THAP5: variants seen among roughly 807,000 people sequenced by gnomAD.
THAP5 encodes the protein THAP domain containing 5.
In THAP5, 26 loss-of-function variants were observed where a neutral mutation model predicts 34.0. That is an observed-to-expected ratio of 0.77 (90% CI 0.56 to 1.06). The LOEUF (loss-of-function observed/expected upper bound fraction) is 1.06. THAP5 is among the 50% of genes least tolerant of loss of function. THAP5 has a pLI of 0.00. For missense variants in THAP5, 394 were observed against 452.8 expected, an observed-to-expected ratio of 0.87 and a Z score of 1.18; for synonymous variants, 125 against 153.0, an observed-to-expected ratio of 0.82 and a Z score of 1.35.
chr7:108,554,798 T>A (rs1864375017), exon 2 of THAP5: 1 of 152,228 alleles, frequency 6.6e-6, no homozygotes. Context: ...TCTTCACTAC[T>A]GTAGTCTGTT....
chr7:108,546,971 TCA>T, the THAP5 span, among the ~76,000 whole-genome samples: 1 of 152,220 alleles, frequency 6.6e-6, no homozygotes, highest in Non-Finnish European at 1.5e-5. Flanking sequence ...TTGTGTTTTA[TCA>T]TTTCCCAAAT....
downstream of THAP5, among the ~76,000 whole-genome samples, chr7:108,549,832 T>C (rs1454970320): frequency 2.0e-5 from 3 of 152,192 alleles, no homozygotes; most frequent in Non-Finnish European, 4.4e-5. Context: ...TGAAGAACTT[T>C]ATGTTTCATT....
In THAP5 at chr7:108,564,113, A is replaced by C; in HGVS notation, c.*78T>G. The C allele has an allele frequency of 1.7e-6, 2 of 1,184,398 alleles. No homozygotes were observed. Among genetic ancestry groups the C allele is most frequent in the Non-Finnish European group, 2.4e-6 (2 of 845,158 alleles). 73.4% of individuals were successfully genotyped at this position (1,184,398 alleles called of 1,614,324 possible). A position where few individuals can be genotyped will look rare whatever the true frequency, so the allele number is the denominator to read the frequency against. On this transcript the variant is annotated 3_prime_UTR_variant, in exon 3 of 3. Transcript: ENST00000415914. ...CATTAAGATGAGAACTTTATACAGG[A>C]AACAGTTCACTTTACATGTAGTTTG...
chr7:108,569,439 G>A (rs1790562402), intron 1 of THAP5, 51 bp downstream of exon 1: 1 of 1,550,614 alleles, frequency 6.4e-7, no homozygotes, highest in Admixed American at 2.0e-5. Context: ...AAAGGCCACA[G>A]GTCCAAGGCC....
At chr7:108,558,961 C>A (rs571171058), downstream of THAP5, among the ~76,000 whole-genome samples, 6 of 152,300 alleles carry the variant, frequency 3.9e-5, no homozygotes, top group Admixed American at 3.9e-4. Flanking sequence ...ATTTAAAATA[C>A]ATTTAAGATC....
At chr7:108,566,060 T>A in intron 1 of THAP5, 38 bp from the exon 2 acceptor site, 1 of 1,476,288 alleles carries the variant, frequency 6.8e-7, no homozygotes, top group Non-Finnish European at 9.0e-7. Context: ...AAGGAAAAAC[T>A]TTGCTATATT....
Position 108,564,609 on chromosome 7 carries a change from A to T in THAP5, c.770T>A (p.Ile257Asn). The T allele has an allele frequency of 6.2e-7, 1 of 1,613,888 alleles. No homozygotes were observed. The highest frequency in any genetic ancestry group is 8.5e-7 in the Non-Finnish European group (1 of 1,179,852). ...GTTTAATTCTTCAACTGTTTGATTA[A>T]TTGTGCTGAATAAGAATGGATTTTC... ...AQENPFLFSTINQTVEELNTN... is the reference protein window; with the variant it reads ...AQENPFLFSTNNQTVEELNTN... The change falls in exon 3 of 3, where the codon ATT becomes AAT. Residue 257 changes from isoleucine (I) to asparagine (N), a missense_variant. Transcript: ENST00000415914.
rs2233131 is a variant in THAP5, at chr7:108,569,575, G to T, written c.-6C>A. 6.4e-7 allele frequency: 1 copy of T among 1,551,260 alleles called. No homozygotes were observed. Among genetic ancestry groups the T allele is most frequent in the Non-Finnish European group, 8.7e-7 (1 of 1,147,018 alleles). On this transcript the variant is annotated 5_prime_UTR_variant, in exon 1 of 3. Coordinates refer to ENST00000415914, the MANE Select transcript of THAP5 (RefSeq NM_001130475.3). ...GCTGCGCAATAGCGGGGCATGACTC[G>T]GGTGAGGCCCCTGGAGACCGGGGCC... is the stretch of plus-strand genomic sequence containing the variant.
chr7:108,551,241 C>T (rs1864351902), downstream of THAP5, among the ~76,000 whole-genome samples: 1 of 152,136 alleles, frequency 6.6e-6, no homozygotes. Flanking sequence ...TCCCAAAATG[C>T]ATGTGTTGGA....
At position 108,566,754 on chromosome 7, in the gene THAP5, C is replaced by T. The variant is rs1790495707; in HGVS notation, c.81-732G>A. ...AACAAATCAAATACAAATGGCAAGA[C>T]AGCGCTGTATACATTTTGTTCCTGT... On this transcript the variant is annotated intron_variant, in intron 1 of 2. Transcript: ENST00000415914. Among the ~76,000 whole-genome samples, 3 of 152,142 alleles carry T rather than the reference C, an allele frequency of 2.0e-5. No individual in the cohort carries two copies. The South Asian group carries it at 6.2e-4, about 31-fold the overall frequency.
At chr7:108,553,942 A>G (rs145465459), downstream of THAP5, among the ~76,000 whole-genome samples, 1 of 152,272 alleles carries the variant, frequency 6.6e-6, no homozygotes, top group African/African-American at 2.4e-5. Context: ...GACATATACT[A>G]TATTTTGAAT....
At chr7:108,549,215 G>A in the THAP5 span, among the ~76,000 whole-genome samples, 2 of 151,066 alleles carry the variant, frequency 1.3e-5, no homozygotes, top group Non-Finnish European at 2.9e-5. Context: ...TCCACCTCCC[G>A]GGTTCAAGTG....
chr7:108,552,268 T>C (rs1028707729), downstream of THAP5, among the ~76,000 whole-genome samples: 1 of 152,152 alleles, frequency 6.6e-6, no homozygotes, highest in African/African-American at 2.4e-5. Context: ...ATCCTCTTTT[T>C]TTTTACATGC....
At chr7:108,550,710 C>A (rs1864347994), downstream of THAP5, among the ~76,000 whole-genome samples, 1 of 152,168 alleles carries the variant, frequency 6.6e-6, no homozygotes, top group East Asian at 1.9e-4. Flanking sequence ...TTCTAGGATG[C>A]CCTTGCATCC....
chr7:108,564,318 T>A lies in THAP5; in HGVS notation c.1061A>T (p.Gln354Leu). 6.2e-7 allele frequency: 1 copy of A among 1,613,934 alleles called. No individual in the cohort carries two copies. The highest frequency in any genetic ancestry group is 8.5e-7 in the Non-Finnish European group (1 of 1,179,898). Residue 354 changes from glutamine (Q) to leucine (L), a missense_variant, in exon 3 of 3, where the codon CAA becomes CTA. Transcript: ENST00000415914. ...KITLLELKEQQTLGRLKSLEA... is the reference protein window; with the variant it reads ...KITLLELKEQLTLGRLKSLEA... ...CAAAGACTTCAATCTACCTAGAGTT[T>A]GTTGCTCTTTTAACTCTAGAAGAGT...
intron 1 of THAP5, 85 bp downstream of exon 1, chr7:108,569,405 A>T (rs1373578662): frequency 6.5e-7 from 1 of 1,544,664 alleles, no homozygotes; most frequent in Non-Finnish European, 8.7e-7. Context: ...TCACTGGCAG[A>T]GCGGACAGGA....
intron 1 of THAP5, chr7:108,568,420 G>C (rs1790534102): frequency 6.5e-6 from 1 of 154,256 alleles, no homozygotes; most frequent in Non-Finnish European, 1.5e-5. Flanking sequence ...GGTCAGGCTG[G>C]TCTCAGACTG....
At chr7:108,546,158 C>G in the THAP5 span, among the ~76,000 whole-genome samples, 1 of 152,106 alleles carries the variant, frequency 6.6e-6, no homozygotes, top group Non-Finnish European at 1.5e-5. Flanking sequence ...TGATGCAGTT[C>G]ACTTTATCAA....
Position 108,564,139 on chromosome 7 carries a change from G to A in THAP5, c.*52C>T, listed in dbSNP as rs532373353. ...AACAGTTCACTTTACATGTAGTTTG[G>A]TTTGGCTGGAAAAAGCTTATTTAAC... On this transcript the variant is annotated 3_prime_UTR_variant, in exon 3 of 3. Transcript: ENST00000415914. The A allele has an allele frequency of 7.1e-7, 1 of 1,411,416 alleles. No individual in the cohort carries two copies. The highest frequency in any genetic ancestry group is 1.4e-5 in the South Asian group (1 of 69,892). 87.4% of individuals were successfully genotyped at this position (1,411,416 alleles called of 1,614,324 possible).
Sources: gnomAD v4.1 joint callset for allele counts (sites outside exome capture counted in the v4.1 genomes callset) on GRCh38, gnomAD v4.1.1 for gene constraint, MANE v1.5 for transcripts, NCBI Gene and HGNC (gene_info 2026-07-23, HGNC 2026-07-21) for gene names.